Variants in ZNF709 observed in about 807,000 individuals in gnomAD.
The protein encoded by ZNF709 is zinc finger protein 709.
In ZNF709, 15 loss-of-function variants were observed where a neutral mutation model predicts 10.6. The observed-to-expected ratio is 1.41, with a 90% CI of 0.95 to 2.18. ZNF709 has a LOEUF of 2.18. Among genes scored for constraint, ZNF709 ranks in the 30% most tolerant of loss-of-function variants. The pLI, the probability that ZNF709 is intolerant of heterozygous loss-of-function variation, is 0.00. For synonymous variants in ZNF709, 194 were observed against 238.8 expected (o/e 0.81, Z 1.73); for missense variants, 589 against 774.0 (o/e 0.76, Z 2.84).
intron 1 of ZNF709, among the ~76,000 whole-genome samples, chr19:12,470,602 G>T (rs1412348931): frequency 6.6e-6 from 1 of 152,112 alleles, no homozygotes; most frequent in Admixed American, 6.6e-5. Flanking sequence ...TGAGAATTTG[G>T]GAGGGACCCC....
In ZNF709 at chr19:12,465,382, G is replaced by T. The variant is rs1339676537; in HGVS notation, c.540C>A (p.Pro180=). Residue 180 remains proline (P), a synonymous_variant, in exon 4 of 4, where the codon CCC becomes CCA. Transcript: ENST00000397732. ...TTCTTTCATGTATTTGAAAGGAACT[G>T]GGCCAACTGAAAGCCTTACCACACT... The part of the protein sequence containing the change: ...CKQCGKAFSW[P]SSFQIHERTH... 6.2e-7 allele frequency: 1 copy of T among 1,613,584 alleles called. No individual in the cohort carries two copies. The highest frequency in any genetic ancestry group is 1.3e-5 in the African/African-American group (1 of 74,828).
At chr19:12,480,539 C>T (rs1970716680) in intron 1 of ZNF709, among the ~76,000 whole-genome samples, 1 of 151,966 alleles carries the variant, frequency 6.6e-6, no homozygotes, top group Non-Finnish European at 1.5e-5. Flanking sequence ...AAAAATTATC[C>T]GGGCGTGGTG....
intron 1 of ZNF709, among the ~76,000 whole-genome samples, chr19:12,478,130 G>A (rs947192864): frequency 2.0e-5 from 3 of 151,546 alleles, no homozygotes; most frequent in African/African-American, 7.3e-5. Context: ...GTGTGGACTC[G>A]GCCCACCATC....
At chr19:12,472,603 C>G (rs191837558) in intron 1 of ZNF709, among the ~76,000 whole-genome samples, 2 of 151,472 alleles carry the variant, frequency 1.3e-5, no homozygotes, top group East Asian at 3.9e-4. Context: ...AAAGGTCTGG[C>G]TGGGCACGGT....
chr19:12,478,092 G>C (rs1186702443), intron 1 of ZNF709, among the ~76,000 whole-genome samples: 1 of 152,110 alleles, frequency 6.6e-6, no homozygotes, highest in African/African-American at 2.4e-5. Context: ...AACACTTAAG[G>C]GTCCTTGGGA....
chr19:12,467,769 G>C (rs1223589600), intron 1 of ZNF709, among the ~76,000 whole-genome samples: 1 of 151,660 alleles, frequency 6.6e-6, no homozygotes, highest in Admixed American at 6.6e-5. Context: ...TCTGGGATGT[G>C]AGGAGTGCCT....
At chr19:12,479,593 G>A (rs1008820796) in intron 1 of ZNF709, among the ~76,000 whole-genome samples, 4 of 152,052 alleles carry the variant, frequency 2.6e-5, no homozygotes, top group African/African-American at 4.8e-5. Context: ...AATCCAGGCC[G>A]GGTGCGATGG....
rs1240199108 is a variant in ZNF709 at position 12,464,495 on chromosome 19, T to C, written c.1427A>G (p.Tyr476Cys). The change falls in exon 4 of 4, where the codon TAT becomes TGT. Residue 476 changes from tyrosine to cysteine, a missense_variant. Physicochemically the swap from Tyr to Cys is radical, Grantham distance 194 (BLOSUM62 -2). Transcript: ENST00000397732. ...GGCTTTACCACACTGTTTACATTCATAGGGTTTCTCTCCAGTGTGAATTCT... is the reference window on the plus strand; with the variant it reads ...GGCTTTACCACACTGTTTACATTCACAGGGTTTCTCTCCAGTGTGAATTCT... The part of the protein sequence containing the change: ...HERIHTGEKP[Y>C]ECKQCGKAFS... 1.2e-6 allele frequency: 2 copies of C among 1,613,192 alleles called. No individual in the cohort carries two copies. The highest frequency in any genetic ancestry group is 2.2e-5 in the East Asian group (1 of 44,856).
intron 1 of ZNF709, among the ~76,000 whole-genome samples, chr19:12,469,514 A>G (rs1172414054): frequency 2.0e-5 from 3 of 152,180 alleles, no homozygotes; most frequent in South Asian, 4.1e-4. Context: ...CACGCCTATA[A>G]TCCCAGCACT....
Position 12,484,687 on chromosome 19 carries a change from T to C in ZNF709, c.-30A>G. 6.2e-7 allele frequency: 1 copy of C among 1,613,998 alleles called. No individual in the cohort carries two copies. Among genetic ancestry groups the C allele is most frequent in the Non-Finnish European group, 8.5e-7 (1 of 1,179,928 alleles). ...CAGACTCTGGGATGTCCTGGTGTTC[T>C]GTTTACCTCTCCCGCGGCCAGCACA... On this transcript the variant is annotated 5_prime_UTR_variant, in exon 1 of 4. Transcript: ENST00000397732.
chr19:12,480,653 A>G (rs1171657591), intron 1 of ZNF709, among the ~76,000 whole-genome samples: 1 of 150,620 alleles, frequency 6.6e-6, no homozygotes, highest in African/African-American at 2.4e-5. Context: ...ACTGCACTCT[A>G]GCCTGGGCGA....
chr19:12,473,673 A>G (rs892032045), intron 1 of ZNF709, among the ~76,000 whole-genome samples: 7 of 152,208 alleles, frequency 4.6e-5, no homozygotes, highest in African/African-American at 1.7e-4. Context: ...TCATCACAAA[A>G]GTTTCTTTCC....
chr19:12,482,330 G>T (rs1221221557), intron 1 of ZNF709, among the ~76,000 whole-genome samples: 1 of 151,986 alleles, frequency 6.6e-6, no homozygotes, highest in Admixed American at 6.6e-5. Flanking sequence ...CTTGCTGTTG[G>T]GCAACAACCT....
At chr19:12,470,382 G>A (rs968445329) in intron 1 of ZNF709, among the ~76,000 whole-genome samples, 9 of 152,160 alleles carry the variant, frequency 5.9e-5, no homozygotes, top group African/African-American at 1.9e-4. Context: ...GATCACGTAA[G>A]TTCTAATTGT....
chr19:12,466,613 A>G, intron 2 of ZNF709, 94 bp from the exon 3 acceptor site: 1 of 1,603,338 alleles, frequency 6.2e-7, no homozygotes, highest in Non-Finnish European at 8.5e-7. Context: ...ATCCTGTCTG[A>G]TTTATTTACC....
At chr19:12,479,045 A>G (rs1231051700) in intron 1 of ZNF709, among the ~76,000 whole-genome samples, 5 of 152,246 alleles carry the variant, frequency 3.3e-5, no homozygotes, top group East Asian at 3.8e-4. Flanking sequence ...GTTTATACCT[A>G]TAACACCAGT....
At position 12,461,837 on chromosome 19, in the gene ZNF709, G is replaced by A. The variant is rs1459487069; in HGVS notation, c.*2159C>T. 2.0e-5 allele frequency: 3 copies of A among 152,196 alleles called. No individual in the cohort carries two copies. Among genetic ancestry groups the A allele is most frequent in the Non-Finnish European group, 4.4e-5 (3 of 68,068 alleles). The allele number at this position is 152,196 out of a possible 1,614,324, so 9.4% of individuals were successfully genotyped here. ...TAATCTCAGCACTTTGGAAGGCCAA[G>A]GTGGGCAGATCATGAGGTCAGGAGT... On this transcript the variant is annotated 3_prime_UTR_variant, in exon 4 of 4. Coordinates refer to ENST00000397732, the MANE Select transcript of ZNF709 (RefSeq NM_152601.4).
rs552387733 is a variant in ZNF709 at position 12,484,780 on chromosome 19, G to C, written c.-123C>G. On this transcript the variant is annotated 5_prime_UTR_variant, in exon 1 of 4. Transcript: ENST00000397732. ...TCTGGGGTGAGGAGACCCCAGAGCGGAGCGCAGCGGCTGGTAGCCACGCCC... is the reference window on the plus strand; with the variant it reads ...TCTGGGGTGAGGAGACCCCAGAGCGCAGCGCAGCGGCTGGTAGCCACGCCC... 2.2e-6 allele frequency: 3 copies of C among 1,348,984 alleles called. No individual in the cohort carries two copies. Among genetic ancestry groups the C allele is most frequent in the South Asian group, 1.3e-5 (1 of 76,514 alleles). 83.6% of individuals were successfully genotyped at this position (1,348,984 alleles called of 1,614,324 possible). A position where few individuals can be genotyped will look rare whatever the true frequency, so the allele number is the denominator to read the frequency against.
intron 1 of ZNF709, chr19:12,481,081 G>T: frequency 1.3e-6 from 1 of 771,806 alleles, no homozygotes; most frequent in Non-Finnish European, 1.6e-6. Flanking sequence ...ACGATGCCTG[G>T]CCTCTTTTAA....
Sources: gnomAD v4.1 joint callset for allele counts (sites outside exome capture counted in the v4.1 genomes callset) on GRCh38, gnomAD v4.1.1 for gene constraint, MANE v1.5 for transcripts, NCBI Gene and HGNC (gene_info 2026-07-23, HGNC 2026-07-21) for gene names.